The following FLNB variants were observed in gnomAD, a reference collection of about 807,000 sequenced individuals.
FLNB encodes the protein filamin B, also known as filamin-B.
Under a neutral mutation model 250.6 loss-of-function variants are expected in FLNB, and 111 were observed. That is an observed-to-expected ratio of 0.44 (90% confidence interval 0.38 to 0.52). The LOEUF is 0.52. FLNB is among the 20% of genes least tolerant of loss of function. The pLI is 0.00. For synonymous variants in FLNB, 1,302 were observed against 1,372.1 expected (o/e 0.95, Z 1.13); for missense variants, 2,869 against 3,447.8 (o/e 0.83, Z 4.20).
At chr3:58,073,253 TG>T (rs923515129) in intron 1 of FLNB, among the ~76,000 whole-genome samples, 4 of 152,192 alleles carry the variant, frequency 2.6e-5, no homozygotes, top group African/African-American at 7.2e-5. Flanking sequence ...GAAACTTGTT[TG>T]ATCTGGAATT....
chr3:58,090,947 G>T lies in FLNB; in HGVS notation c.788-3889G>T, dbSNP rs1242712552. 3.3e-5 allele frequency among the ~76,000 whole-genome samples: 5 copies of T among 152,120 alleles called. No individual in the cohort carries two copies. The East Asian group carries it at 9.7e-4, about 29-fold the overall frequency. On this transcript the variant is annotated intron_variant, in intron 4 of 45. Transcript: ENST00000295956. The stretch of plus-strand genomic sequence containing the variant: ...CAAAAAATTAGCTGGGCGTGGTGGT[G>T]GGTGCCTGTAGTCCCAGCTACTCGG...
At position 58,077,037 on chromosome 3, in the gene FLNB, T is replaced by G; in HGVS notation, c.293-9T>G. The stretch of plus-strand genomic sequence containing the variant: ...AAAGGAATGACCAAGCCTGTGCTTC[T>G]CTCCCCAGATAGCAAAGCCATTGTG... On this transcript the variant is annotated splice_polypyrimidine_tract_variant and intron_variant, in intron 1 of 45. Transcript: ENST00000295956. 1 of 1,614,102 alleles carries G rather than the reference T, an allele frequency of 6.2e-7. No individual in the cohort carries two copies. The highest frequency in any genetic ancestry group is 8.5e-7 in the Non-Finnish European group (1 of 1,179,976).
In FLNB at chr3:58,152,871, G is replaced by T. The variant is rs1200527657; in HGVS notation, c.6368-504G>T. 12 of 510,550 alleles carry T rather than the reference G, an allele frequency of 2.4e-5. No homozygotes were observed. The Admixed American group carries it at 3.6e-4, about 15-fold the overall frequency. The allele number at this position is 510,550 out of a possible 1,614,324, so 31.6% of individuals were successfully genotyped here. A position where few individuals can be genotyped will look rare whatever the true frequency, so the allele number is the denominator to read the frequency against. On this transcript the variant is annotated intron_variant, in intron 38 of 45. Transcript: ENST00000295956. The stretch of plus-strand genomic sequence containing the variant: ...TGGCATGACGTGAGCAGCTCACGGA[G>T]AGTGATGTGGTCTTGCGTCCTAGCA...
At chr3:58,084,023 C>T (rs1266437699) in intron 4 of FLNB, among the ~76,000 whole-genome samples, 1 of 151,964 alleles carries the variant, frequency 6.6e-6, no homozygotes, top group African/African-American at 2.4e-5. Context: ...GAAACCCCAT[C>T]TCTACTAAAA....
chr3:58,113,538 G>A (rs147654958), intron 18 of FLNB, among the ~76,000 whole-genome samples: 50 of 152,312 alleles, frequency 3.3e-4, no homozygotes, highest in African/African-American at 1.1e-3. Context: ...GCACTCCCTT[G>A]GAGATGGAAT....
intron 1 of FLNB, among the ~76,000 whole-genome samples, chr3:58,053,946 G>A (rs1431333909): frequency 1.3e-5 from 2 of 152,190 alleles, no homozygotes; most frequent in South Asian, 2.1e-4. Flanking sequence ...CCAGAGGCGC[G>A]AAGAGCAACA....
intron 42 of FLNB, among the ~76,000 whole-genome samples, chr3:58,160,421 G>T (rs983990268): frequency 2.0e-5 from 3 of 152,164 alleles, no homozygotes; most frequent in African/African-American, 7.2e-5. Context: ...TTGAAGGAAG[G>T]TATAAGGCTC....
intron 13 of FLNB, among the ~76,000 whole-genome samples, chr3:58,108,832 T>C (rs2097263879): frequency 4.0e-5 from 6 of 151,418 alleles, no homozygotes; most frequent in Non-Finnish European, 1.5e-5. Context: ...TGTCTTTTGG[T>C]GTGGCTGAAG....
chr3:58,104,005 C>G lies in FLNB; in HGVS notation c.1530C>G (p.Val510=). ...LVKQKDFLDG[V]YAFEYYPSTP... ...AGCAGAAAGACTTTCTGGATGGGGT[C>G]TACGCATTCGAGTATTACCCCAGCA... The change falls in exon 10 of 46, where the codon GTC becomes GTG. Residue 510 remains valine (V), a synonymous_variant. Transcript: ENST00000295956. 1 of 1,613,746 alleles carries G rather than the reference C, an allele frequency of 6.2e-7. No individual in the cohort carries two copies. Among genetic ancestry groups the G allele is most frequent in the Non-Finnish European group, 8.5e-7 (1 of 1,179,732 alleles).
intron 1 of FLNB, among the ~76,000 whole-genome samples, chr3:58,055,637 A>T (rs1258063393): frequency 6.6e-6 from 1 of 152,186 alleles, no homozygotes; most frequent in Admixed American, 6.5e-5. Context: ...AGTAGGGAAA[A>T]CTATGGCCTG....
At chr3:58,020,974 C>T (rs113065524) in intron 1 of FLNB, among the ~76,000 whole-genome samples, 2 of 151,290 alleles carry the variant, frequency 1.3e-5, no homozygotes, top group African/African-American at 4.9e-5. Context: ...CTAGGGAGGC[C>T]GGGGCAGGAA....
intron 28 of FLNB, 144 bp from the exon 29 acceptor site, chr3:58,138,138 G>T: frequency 9.8e-7 from 1 of 1,024,128 alleles, no homozygotes; most frequent in East Asian, 2.4e-5. Flanking sequence ...CCTGATCAGG[G>T]GATCTTTGGG....
In FLNB at chr3:58,081,628, G is replaced by A; in HGVS notation, c.640-1G>A. On this transcript the variant is annotated splice_acceptor_variant, in intron 3 of 45. Coordinates refer to ENST00000295956, the MANE Select transcript of FLNB (RefSeq NM_001457.4). LOFTEE classifies it high-confidence loss of function. ...GTTCATCCACCATGTCATTATCCTA[G>A]GTCATCACTCCTGAAGAAATCATTC... 1 of 1,613,980 alleles carries A rather than the reference G, an allele frequency of 6.2e-7. No individual in the cohort carries two copies. Among genetic ancestry groups the A allele is most frequent in the Non-Finnish European group, 8.5e-7 (1 of 1,179,924 alleles).
intron 10 of FLNB, among the ~76,000 whole-genome samples, chr3:58,104,349 G>A (rs2097256025): frequency 6.6e-6 from 1 of 152,162 alleles, no homozygotes; most frequent in African/African-American, 2.4e-5. Flanking sequence ...AGCAGTTAGA[G>A]CAAATGGGCT....
intron 1 of FLNB, among the ~76,000 whole-genome samples, chr3:58,056,187 C>T (rs1423738469): frequency 1.3e-5 from 2 of 151,234 alleles, no homozygotes; most frequent in Non-Finnish European, 2.9e-5. Flanking sequence ...CTACTACCTC[C>T]TCCTCCTGGG....
chr3:58,154,997 A>G, intron 40 of FLNB, 69 bp downstream of exon 40: 3 of 1,525,564 alleles, frequency 2.0e-6, no homozygotes, highest in Non-Finnish European at 2.7e-6. Context: ...AGGAACAGAA[A>G]TCCATCAAGT....
At position 58,156,059 on chromosome 3, in the gene FLNB, C is replaced by T. The variant is rs1314445633; in HGVS notation, c.6872C>T (p.Thr2291Ile). ...IAPSDDARRL[T>I]VMSLQESGLK... ...CCCTCCGACGACGCCCGCCGCCTCACTGTTATGAGCCTTCAGGTGAGATGC... is the reference window on the plus strand; with the variant it reads ...CCCTCCGACGACGCCCGCCGCCTCATTGTTATGAGCCTTCAGGTGAGATGC... Residue 2291 changes from threonine to isoleucine, a missense_variant, in exon 41 of 46, where the codon ACT becomes ATT. Transcript: ENST00000295956. 3 of 1,613,870 alleles carry T rather than the reference C, an allele frequency of 1.9e-6. No homozygotes were observed. Among genetic ancestry groups the T allele is most frequent in the Non-Finnish European group, 2.5e-6 (3 of 1,179,742 alleles).
chr3:58,059,682 G>A (rs547919221), intron 1 of FLNB, among the ~76,000 whole-genome samples: 2 of 152,282 alleles, frequency 1.3e-5, no homozygotes, highest in South Asian at 4.2e-4. Flanking sequence ...TCCCCCTTTA[G>A]CAGCAAAGCC....
At chr3:58,149,546 G>GAGGGCAGAAGGTCCTCCCC in intron 36 of FLNB, 1 of 453,938 alleles carries the variant, frequency 2.2e-6, no homozygotes, top group Non-Finnish European at 4.1e-6. Flanking sequence ...TTGGAGGCGT[G>GAGGGCAGAAGGTCCTCCCC]AGGGCAGAAG....
Sources: gnomAD v4.1 joint callset for allele counts (sites outside exome capture counted in the v4.1 genomes callset) on GRCh38, gnomAD v4.1.1 for gene constraint, MANE v1.5 for transcripts, NCBI Gene and HGNC (gene_info 2026-07-23, HGNC 2026-07-21) for gene names.